Variants in GRIK3 observed in about 807,000 individuals in gnomAD.
GRIK3 encodes glutamate receptor ionotropic, kainate 3.
Under a neutral mutation model 102.5 loss-of-function variants are expected in GRIK3, and 29 were observed. The observed-to-expected ratio is 0.28, with a 90% confidence interval of 0.21 to 0.39. The LOEUF is 0.39. Among genes scored for constraint, GRIK3 ranks in the 10% least tolerant of loss-of-function variants. The pLI is 1.00. For missense variants in GRIK3, 908 were observed against 1,252.4 expected (o/e 0.73, Z 4.15); for synonymous variants, 511 against 504.9 (o/e 1.01, Z -0.16).
chr1:36,867,194 C>G (rs1457697212), intron 5 of GRIK3, among the ~76,000 whole-genome samples: 1 of 152,222 alleles, frequency 6.6e-6, no homozygotes, highest in African/African-American at 2.4e-5. Flanking sequence ...CACAGCTACC[C>G]TGGGTACATC....
chr1:36,802,866 G>T (rs144859810), intron 15 of GRIK3, among the ~76,000 whole-genome samples: 28 of 152,230 alleles, frequency 1.8e-4, no homozygotes, highest in African/African-American at 6.5e-4. Context: ...TGACCCTCCA[G>T]GCTTCCCTTT....
At chr1:36,894,156 C>A (rs761232631) in intron 1 of GRIK3, among the ~76,000 whole-genome samples, 6 of 152,134 alleles carry the variant, frequency 3.9e-5, no homozygotes, top group South Asian at 2.1e-4. Context: ...ATCCCCGTGC[C>A]CATTTACAGT....
rs567863827 is a variant in GRIK3, at chr1:36,803,445, T to C, written c.2566-1400A>G. ...TTCATTTTTTTATTATTTATTATTA[T>C]TATTTTTTGAGACGAAGTCTCTGTC... On this transcript the variant is annotated intron_variant, in intron 15 of 15. Transcript: ENST00000373091. Among the ~76,000 whole-genome samples, 301 of 152,206 alleles carry C rather than the reference T, an allele frequency of 2.0e-3. 2 individuals are homozygous for C. Among genetic ancestry groups the C allele is most frequent in the Middle Eastern group, 3.4e-3 (1 of 294 alleles).
rs111416262 is a variant in GRIK3 at position 36,819,029 on chromosome 1, T to C, written c.1873+707A>G. On this transcript the variant is annotated intron_variant, in intron 12 of 15. Coordinates refer to ENST00000373091, the MANE Select transcript of GRIK3 (RefSeq NM_000831.4). The surrounding 1 kb of genome is among the most constrained non-coding windows in gnomAD (Gnocchi z 4.1). ...GTGCCTGCCCTCCTGCTCCCTGCTG[T>C]CTCTGCATCTGACTCCTGGCAGTTA... 2.1e-3 allele frequency among the ~76,000 whole-genome samples: 315 copies of C among 152,298 alleles called. 4 individuals are homozygous for C. The East Asian group carries it at 0.027, about 13-fold the overall frequency.
intron 1 of GRIK3, among the ~76,000 whole-genome samples, chr1:36,946,442 G>A (rs1002996971): frequency 3.3e-5 from 5 of 152,230 alleles, no homozygotes; most frequent in African/African-American, 1.2e-4. Context: ...ATGCTCCAAG[G>A]GGCTGCTGGA....
chr1:36,943,104 C>G (rs1442630458), intron 1 of GRIK3, among the ~76,000 whole-genome samples: 4 of 152,142 alleles, frequency 2.6e-5, no homozygotes, highest in Non-Finnish European at 5.9e-5. Context: ...GCTAAGGACA[C>G]TGAGGCATGA....
chr1:36,982,434 C>G (rs747575593), intron 1 of GRIK3, among the ~76,000 whole-genome samples: 1 of 152,194 alleles, frequency 6.6e-6, no homozygotes, highest in Non-Finnish European at 1.5e-5. Context: ...CTGAAAGCCT[C>G]GCGTCCTTGC....
intron 10 of GRIK3, among the ~76,000 whole-genome samples, chr1:36,827,160 G>A (rs559151615): frequency 6.6e-6 from 1 of 152,138 alleles, no homozygotes; most frequent in Non-Finnish European, 1.5e-5. Context: ...TGCTCCATGC[G>A]ACCTTGTGTC....
At chr1:36,986,453 T>G (rs1250000044) in intron 1 of GRIK3, among the ~76,000 whole-genome samples, 17 of 147,880 alleles carry the variant, frequency 1.1e-4, no homozygotes, top group African/African-American at 4.4e-4. Context: ...CATCCATCCA[T>G]CCATCCATCA....
At chr1:36,923,200 T>C (rs1641492643) in intron 1 of GRIK3, among the ~76,000 whole-genome samples, 1 of 152,238 alleles carries the variant, frequency 6.6e-6, no homozygotes, top group African/African-American at 2.4e-5. Context: ...AAAATGTACG[T>C]ATCAGCGCTT....
At chr1:36,818,666 GCC>G in intron 12 of GRIK3, among the ~76,000 whole-genome samples, 1 of 152,242 alleles carries the variant, frequency 6.6e-6, no homozygotes, top group African/African-American at 2.4e-5. Context: ...CCAGCACAGA[GCC>G]TGGCATGTAG....
rs376040990 is a variant in GRIK3 at position 36,814,509 on chromosome 1, A to ACC, written c.2091+2549_2091+2550dup. Reference sequence around the variant, plus strand: ...CATGGACCATTATACACATACATAGACCCCCCCCCCCCACACACAGAGACA... The same window carrying ACC: ...CATGGACCATTATACACATACATAGACCCCCCCCCCCCCCACACACAGAGACA... On this transcript the variant is annotated intron_variant, in intron 13 of 15. Transcript: ENST00000373091. Among the ~76,000 whole-genome samples, 180 of 84,138 alleles carry ACC rather than the reference A, an allele frequency of 2.1e-3. 5 individuals are homozygous for ACC. Among genetic ancestry groups the ACC allele is most frequent in the African/African-American group, 6.6e-3 (147 of 22,258 alleles). 55.2% of individuals were successfully genotyped at this position (84,138 alleles called of 152,430 possible).
At chr1:36,892,111 C>T (rs1265555470) in intron 1 of GRIK3, among the ~76,000 whole-genome samples, 1 of 152,276 alleles carries the variant, frequency 6.6e-6, no homozygotes, top group African/African-American at 2.4e-5. Flanking sequence ...CTCCGCTTCC[C>T]GGGTTCAAGC....
chr1:37,025,293 T>C (rs1177796520), intron 1 of GRIK3, among the ~76,000 whole-genome samples: 1 of 152,162 alleles, frequency 6.6e-6, no homozygotes, highest in African/African-American at 2.4e-5. Flanking sequence ...GTTCTTAAAG[T>C]GTGGCTCCCA....
chr1:37,023,727 AG>A (rs1642738596), intron 1 of GRIK3, among the ~76,000 whole-genome samples: 1 of 152,224 alleles, frequency 6.6e-6, no homozygotes, highest in Admixed American at 6.5e-5. Context: ...AATCCCCAAA[AG>A]CTTCACTATT....
intron 5 of GRIK3, among the ~76,000 whole-genome samples, chr1:36,868,550 T>C (rs1640810547): frequency 6.6e-6 from 1 of 152,136 alleles, no homozygotes; most frequent in Non-Finnish European, 1.5e-5. Context: ...ATTTGTAGCA[T>C]TTGCTCACTT....
In GRIK3 at chr1:36,872,524, A is replaced by G. The variant is rs561936339; in HGVS notation, c.551-155T>C. ...GGCCCACAGAGACTTGTGCACGTGC[A>G]TGGACAACACTGGAGAGCAGGTGTG... On this transcript the variant is annotated intron_variant, in intron 3 of 15. Coordinates refer to ENST00000373091, the MANE Select transcript of GRIK3 (RefSeq NM_000831.4). The surrounding 1 kb of genome is among the most constrained non-coding windows in gnomAD (Gnocchi z 5.9). Among the ~76,000 whole-genome samples, 122 of 152,344 alleles carry G rather than the reference A, an allele frequency of 8.0e-4. No individual in the cohort carries two copies. The highest frequency in any genetic ancestry group is 2.8e-3 in the African/African-American group (118 of 41,584).
At chr1:36,827,632 A>C (rs1450747091) in intron 10 of GRIK3, among the ~76,000 whole-genome samples, 1 of 152,134 alleles carries the variant, frequency 6.6e-6, no homozygotes, top group Non-Finnish European at 1.5e-5. Flanking sequence ...GGCATTAATC[A>C]AACTGTTTAC....
At chr1:37,015,001 C>T (rs1359294831) in intron 1 of GRIK3, among the ~76,000 whole-genome samples, 2 of 151,666 alleles carry the variant, frequency 1.3e-5, no homozygotes, top group Admixed American at 1.3e-4. Flanking sequence ...CTTTCTGACT[C>T]ATTCTTCATC....
Sources: gnomAD v4.1 joint callset for allele counts (sites outside exome capture counted in the v4.1 genomes callset) on GRCh38, gnomAD v4.1.1 for gene constraint, Gnocchi (gnomAD v3.1) non-coding constraint, MANE v1.5 for transcripts, NCBI Gene and HGNC (gene_info 2026-07-23, HGNC 2026-07-21) for gene names.